MYOCD: variants seen among roughly 807,000 people sequenced by gnomAD.
MYOCD encodes myocardin.
In MYOCD, 32 loss-of-function variants were observed where a neutral mutation model predicts 96.1. The observed-to-expected ratio is 0.33, with a 90% confidence interval of 0.25 to 0.45. The LOEUF (loss-of-function observed/expected upper bound fraction) is 0.45. MYOCD is among the 20% of genes least tolerant of loss of function. The pLI, the probability that MYOCD is intolerant of heterozygous loss-of-function variation, is 1.00. For synonymous variants in MYOCD, 469 were observed against 469.0 expected, an observed-to-expected ratio of 1.00 and a Z score of 0.00; for missense variants, 1,133 against 1,200.6, an observed-to-expected ratio of 0.94 and a Z score of 0.83.
Position 12,763,090 on chromosome 17 carries a change from A to G in MYOCD, c.2407A>G (p.Arg803Gly). The change falls in exon 14 of 14, where the codon AGA (arginine) becomes GGA (glycine). Residue 803 changes from arginine (R) to glycine (G), a missense_variant. By Grantham distance (125) the Arg-to-Gly change is moderately radical. Coordinates refer to ENST00000425538, the MANE Select transcript of MYOCD (RefSeq NM_001146312.3). ...GCCCACAGAAATGCCAGCAGACGCT[A>G]GAGAGGATCACTCATGTCTTCAAAA... ...IESGEMPADA[R>G]EDHSCLQKVP... 6.2e-7 allele frequency: 1 copy of G among 1,612,176 alleles called. No homozygotes were observed. Among genetic ancestry groups the G allele is most frequent in the Non-Finnish European group, 8.5e-7 (1 of 1,179,310 alleles).
At position 12,753,183 on chromosome 17, in the gene MYOCD, A is replaced by G. The variant is rs2032910634; in HGVS notation, c.1895A>G (p.Gln632Arg). ...NVLSSTFLSP[Q>R]CSPQHSPLGA... is the part of the protein sequence containing the mutation. ...CTTTCTTCCACATTTCTCAGCCCCC[A>G]GTGTTCCCCTCAGCATTCACCGCTG... is the stretch of plus-strand genomic sequence containing the variant. The change falls in exon 10 of 14, where the codon CAG becomes CGG. Residue 632 changes from glutamine (Q) to arginine (R), a missense_variant. Transcript: ENST00000425538. 2.5e-6 allele frequency: 4 copies of G among 1,613,994 alleles called. No individual in the cohort carries two copies. The highest frequency in any genetic ancestry group is 2.7e-5 in the African/African-American group (2 of 74,896).
chr17:12,750,549 T>G (rs2032819857), intron 9 of MYOCD, among the ~76,000 whole-genome samples: 1 of 151,714 alleles, frequency 6.6e-6, no homozygotes, highest in Non-Finnish European at 1.5e-5. Context: ...ATTAGCCCGG[T>G]GTGGTGGTGC....
chr17:12,681,907 A>T (rs1910489876), intron 1 of MYOCD, among the ~76,000 whole-genome samples: 1 of 152,192 alleles, frequency 6.6e-6, no homozygotes, highest in South Asian at 2.1e-4. Context: ...AGTGAATACA[A>T]CAGATAACAG....
rs868427993 is a variant in MYOCD at position 12,742,099 on chromosome 17, A to G, written c.718-2084A>G. On this transcript the variant is annotated intron_variant, in intron 7 of 13. Transcript: ENST00000425538. ...ATCCTCCCCAGACAAGGCAAGCCTC[A>G]GAATGAGGCGACAACAGCAGCTGGT... Among the ~76,000 whole-genome samples the G allele has an allele frequency of 2.0e-5, 3 of 152,270 alleles. No individual in the cohort carries two copies. The South Asian group carries it at 6.2e-4, about 32-fold the overall frequency.
At chr17:12,723,954 C>T (rs1351476018) in intron 5 of MYOCD, among the ~76,000 whole-genome samples, 1 of 152,210 alleles carries the variant, frequency 6.6e-6, no homozygotes, top group Non-Finnish European at 1.5e-5. Context: ...TCAGAGGCCA[C>T]ATGAATTTTG....
intron 13 of MYOCD, chr17:12,761,669 G>A (rs2033179166): frequency 1.3e-5 from 2 of 152,092 alleles, no homozygotes; most frequent in Admixed American, 1.3e-4. Context: ...CTGTCGCCAG[G>A]CTGGAGTGCA....
chr17:12,729,132 A>G (rs559465575), intron 5 of MYOCD, among the ~76,000 whole-genome samples: 2 of 152,378 alleles, frequency 1.3e-5, no homozygotes, highest in East Asian at 1.9e-4. Context: ...TTGCTTTGGC[A>G]TAAAAAAGAA....
intron 1 of MYOCD, among the ~76,000 whole-genome samples, chr17:12,679,558 A>G (rs1477394150): frequency 6.6e-6 from 1 of 152,192 alleles, no homozygotes; most frequent in African/African-American, 2.4e-5. Context: ...ACATTTATAT[A>G]TATGTATATG....
At chr17:12,701,587 C>T (rs1424466131) in intron 1 of MYOCD, among the ~76,000 whole-genome samples, 1 of 152,030 alleles carries the variant, frequency 6.6e-6, no homozygotes, top group Non-Finnish European at 1.5e-5. Context: ...TTACTATGAG[C>T]ATACTTCTTT....
At chr17:12,677,933 C>T (rs1219421307) in intron 1 of MYOCD, among the ~76,000 whole-genome samples, 1 of 147,276 alleles carries the variant, frequency 6.8e-6, no homozygotes, top group Non-Finnish European at 1.5e-5. Context: ...TCACTCTGTC[C>T]CCAGGCTGGA....
intron 1 of MYOCD, among the ~76,000 whole-genome samples, chr17:12,684,991 G>A (rs1251845022): frequency 6.6e-6 from 1 of 151,422 alleles, no homozygotes; most frequent in Non-Finnish European, 1.5e-5. Context: ...GTTTATTTGA[G>A]ATTTAAGATT....
At chr17:12,713,341 G>C (rs1359588871) in intron 2 of MYOCD, among the ~76,000 whole-genome samples, 1 of 152,074 alleles carries the variant, frequency 6.6e-6, no homozygotes, top group Non-Finnish European at 1.5e-5. Flanking sequence ...CAATTAATAA[G>C]CTTTGCTAAT....
chr17:12,733,605 C>T (rs149563331), intron 5 of MYOCD, among the ~76,000 whole-genome samples: 5,501 of 152,232 alleles, frequency 0.036, 239 homozygotes, highest in African/African-American at 0.091. Context: ...CAGTGGCTCA[C>T]GCCTGTAATC....
intron 1 of MYOCD, among the ~76,000 whole-genome samples, chr17:12,698,615 T>C (rs563265584): frequency 3.7e-4 from 56 of 151,828 alleles, no homozygotes; most frequent in Non-Finnish European, 6.6e-4. Flanking sequence ...TCTTTATAAC[T>C]GAAAAATCTG....
At chr17:12,696,767 C>G (rs908297862) in intron 1 of MYOCD, among the ~76,000 whole-genome samples, 2 of 152,140 alleles carry the variant, frequency 1.3e-5, no homozygotes, top group African/African-American at 4.8e-5. Flanking sequence ...TGATACTCCT[C>G]CCAGATTAGG....
rs117344264 is a variant in MYOCD, at chr17:12,735,129, G to A, written c.416-1032G>A. On this transcript the variant is annotated intron_variant, in intron 5 of 13. Coordinates refer to ENST00000425538, the MANE Select transcript of MYOCD (RefSeq NM_001146312.3). ...TCCTCGTTGCCTTTGCAATCCCTGCGGTGAGAGCTCCTTTCTCTTATCTGC... is the reference window on the plus strand; with the variant it reads ...TCCTCGTTGCCTTTGCAATCCCTGCAGTGAGAGCTCCTTTCTCTTATCTGC... 3.0e-3 allele frequency among the ~76,000 whole-genome samples: 460 copies of A among 152,322 alleles called. 2 individuals are homozygous for A. Among genetic ancestry groups the A allele is most frequent in the Non-Finnish European group, 3.9e-3 (264 of 68,040 alleles).
intron 1 of MYOCD, chr17:12,704,901 A>C: frequency 2.0e-6 from 1 of 505,896 alleles, no homozygotes; most frequent in East Asian, 3.4e-5. Flanking sequence ...AAGAGGAGAC[A>C]AGTATTCTAA....
chr17:12,717,050 A>G (rs1042724447), intron 3 of MYOCD, among the ~76,000 whole-genome samples: 4 of 150,638 alleles, frequency 2.7e-5, no homozygotes, highest in African/African-American at 9.8e-5. Flanking sequence ...TTATAATACA[A>G]ACAGCCTAGT....
At chr17:12,762,876 C>T in intron 13 of MYOCD, 197 bp from the exon 14 acceptor site, 2 of 571,512 alleles carry the variant, frequency 3.5e-6, no homozygotes, top group East Asian at 5.9e-5. Context: ...GAGTGGAATT[C>T]CCAAGAGGAA....
Sources: allele counts gnomAD v4.1 joint callset (sites outside exome capture counted in the v4.1 genomes callset), GRCh38; gene constraint gnomAD v4.1.1; transcripts MANE v1.5; gene names NCBI Gene and HGNC (gene_info 2026-07-23, HGNC 2026-07-21).